Variants in GOLM2 observed in about 807,000 individuals in gnomAD.
GOLM2 encodes the protein protein GOLM2.
A neutral mutation model predicts 55.9 loss-of-function variants in GOLM2; 26 were observed. The ratio of observed to expected loss-of-function variants is 0.47; its 90% CI spans 0.34 to 0.65. GOLM2 has a LOEUF of 0.65. Ranked by LOEUF, GOLM2 falls within the 30% of genes least tolerant of loss-of-function variation. The pLI is 0.01. For synonymous variants in GOLM2, 165 were observed against 194.6 expected (o/e 0.85, Z 1.27); for missense variants, 486 against 531.8 (o/e 0.91, Z 0.85).
At chr15:44,403,401 A>G (rs1369645355) in intron 9 of GOLM2, among the ~76,000 whole-genome samples, 1 of 152,152 alleles carries the variant, frequency 6.6e-6, no homozygotes, top group Non-Finnish European at 1.5e-5. Flanking sequence ...ACCTCAGGTG[A>G]TCTGCTCACC....
intron 9 of GOLM2, among the ~76,000 whole-genome samples, chr15:44,411,850 C>A (rs1333062413): frequency 6.7e-6 from 1 of 149,406 alleles, no homozygotes; most frequent in African/African-American, 2.5e-5. Flanking sequence ...AAAAAAAAAT[C>A]CATGTACTCC....
In GOLM2 at chr15:44,342,242, G is replaced by GTT. The variant is rs201644309; in HGVS notation, c.802+3935_802+3936dup. On this transcript the variant is annotated intron_variant, in intron 6 of 9. Coordinates refer to ENST00000299957, the MANE Select transcript of GOLM2 (RefSeq NM_138423.4). ...CATATTAAAGGCCTTCCTCTGGATT[G>GTT]TTTTTTTTTTTACTTTTATTTTTAT... Among the ~76,000 whole-genome samples, 1,371 of 145,312 alleles carry GTT rather than the reference G, an allele frequency of 9.4e-3. 22 individuals are homozygous for GTT. The highest frequency in any genetic ancestry group is 0.03 in the African/African-American group (1,213 of 39,810).
intron 6 of GOLM2, among the ~76,000 whole-genome samples, chr15:44,373,146 A>T (rs185544421): frequency 1.6e-3 from 250 of 152,346 alleles, no homozygotes; most frequent in Admixed American, 1.3e-3. Context: ...TTCACTGCTG[A>T]ATCTCCAGCT....
intron 6 of GOLM2, among the ~76,000 whole-genome samples, chr15:44,378,048 T>C (rs926341287): frequency 1.1e-4 from 16 of 149,534 alleles, no homozygotes; most frequent in South Asian, 2.1e-4. Context: ...TATTTATTTA[T>C]TTATTTATTT....
intron 6 of GOLM2, among the ~76,000 whole-genome samples, chr15:44,377,541 T>G (rs1178513193): frequency 6.6e-6 from 1 of 152,096 alleles, no homozygotes; most frequent in Non-Finnish European, 1.5e-5. Context: ...AGGCTGAATT[T>G]TTTGTATTTT....
intron 1 of GOLM2, among the ~76,000 whole-genome samples, chr15:44,311,650 T>C (rs1230528431): frequency 6.6e-6 from 1 of 151,466 alleles, no homozygotes; most frequent in Non-Finnish European, 1.5e-5. Context: ...ATAGGATTGC[T>C]TTTGTGTGTG....
chr15:44,413,508 A>G lies in GOLM2; in HGVS notation c.*102A>G. 1 of 831,084 alleles carries G rather than the reference A, an allele frequency of 1.2e-6. No homozygotes were observed. The highest frequency in any genetic ancestry group is 2.0e-6 in the Non-Finnish European group (1 of 507,284). The allele number at this position is 831,084 out of a possible 1,614,324, so 51.5% of individuals were successfully genotyped here. ...TGTAAAGACGAATTGTATCAGTTGT[A>G]AAGATACATTGAGATAGAATTAAGG... On this transcript the variant is annotated 3_prime_UTR_variant, in exon 10 of 10. Transcript: ENST00000299957.
At chr15:44,324,968 T>C (rs1371453591) in intron 2 of GOLM2, among the ~76,000 whole-genome samples, 2 of 152,182 alleles carry the variant, frequency 1.3e-5, no homozygotes, top group African/African-American at 4.8e-5. Context: ...ACAGAATATC[T>C]CTGGGTTCAT....
At chr15:44,362,655 C>G (rs1350051141) in intron 6 of GOLM2, among the ~76,000 whole-genome samples, 1 of 152,178 alleles carries the variant, frequency 6.6e-6, no homozygotes, top group African/African-American at 2.4e-5. Flanking sequence ...CCCCATCAAA[C>G]TACCAATGAC....
intron 4 of GOLM2, among the ~76,000 whole-genome samples, chr15:44,332,279 G>T (rs568522371): frequency 6.6e-6 from 1 of 151,990 alleles, no homozygotes; most frequent in African/African-American, 2.4e-5. Flanking sequence ...AAAACTGGTC[G>T]GGCACGGTGG....
At chr15:44,321,280 T>A (rs560630408) in intron 1 of GOLM2, among the ~76,000 whole-genome samples, 4 of 151,994 alleles carry the variant, frequency 2.6e-5, no homozygotes, top group African/African-American at 9.7e-5. Flanking sequence ...AAGAACAGCC[T>A]GGACAACATA....
intron 8 of GOLM2, among the ~76,000 whole-genome samples, chr15:44,388,615 A>G (rs2079465065): frequency 6.6e-6 from 1 of 152,096 alleles, no homozygotes; most frequent in Non-Finnish European, 1.5e-5. Context: ...TAGAGGCTGC[A>G]GTAAGCCATG....
chr15:44,358,608 G>A (rs1276428559), intron 6 of GOLM2, among the ~76,000 whole-genome samples: 1 of 152,180 alleles, frequency 6.6e-6, no homozygotes, highest in South Asian at 2.1e-4. Context: ...GCAATACAAT[G>A]GGGTAGACAG....
At chr15:44,397,872 T>G (rs1481435715) in intron 8 of GOLM2, among the ~76,000 whole-genome samples, 2 of 152,238 alleles carry the variant, frequency 1.3e-5, no homozygotes, top group Non-Finnish European at 2.9e-5. Context: ...TAGGTAGCAT[T>G]AATTATAGTT....
At position 44,387,007 on chromosome 15, in the gene GOLM2, T is replaced by G. The variant is rs141647937; in HGVS notation, c.1072+6031T>G. Among the ~76,000 whole-genome samples, 442 of 151,868 alleles carry G rather than the reference T, an allele frequency of 2.9e-3. 3 individuals are homozygous for G. Among genetic ancestry groups the G allele is most frequent in the African/African-American group, 0.01 (420 of 41,380 alleles). On this transcript the variant is annotated intron_variant, in intron 8 of 9. Transcript: ENST00000299957. Reference sequence around the variant, plus strand: ...CTGGGCAACATGGCAAAACCCTGTCTCTACAAAAAATACAAAAACTACCCA... The same window carrying G: ...CTGGGCAACATGGCAAAACCCTGTCGCTACAAAAAATACAAAAACTACCCA...
intron 6 of GOLM2, among the ~76,000 whole-genome samples, chr15:44,359,580 T>C (rs1206942620): frequency 6.6e-6 from 1 of 152,032 alleles, no homozygotes; most frequent in Non-Finnish European, 1.5e-5. Context: ...AGAGCGAGAC[T>C]CCGTCTCAAA....
At chr15:44,317,275 G>T (rs1440029363) in intron 1 of GOLM2, among the ~76,000 whole-genome samples, 8 of 152,164 alleles carry the variant, frequency 5.3e-5, no homozygotes, top group Non-Finnish European at 8.8e-5. Flanking sequence ...TACTTGGGAG[G>T]CTGAGGTGGG....
At chr15:44,376,466 A>G (rs2079365585) in intron 6 of GOLM2, among the ~76,000 whole-genome samples, 1 of 152,084 alleles carries the variant, frequency 6.6e-6, no homozygotes, top group South Asian at 2.1e-4. Flanking sequence ...GAGTCTTGCT[A>G]GGTACCCCTG....
chr15:44,346,604 G>A (rs1473148618), intron 6 of GOLM2, among the ~76,000 whole-genome samples: 1 of 152,214 alleles, frequency 6.6e-6, no homozygotes, highest in Non-Finnish European at 1.5e-5. Context: ...GTAGTTACCT[G>A]TGGCTAAAGG....
Sources: allele counts gnomAD v4.1 joint callset (sites outside exome capture counted in the v4.1 genomes callset), GRCh38; gene constraint gnomAD v4.1.1; transcripts MANE v1.5; gene names NCBI Gene and HGNC (gene_info 2026-07-23, HGNC 2026-07-21).